DENND1B: variants seen among roughly 807,000 people sequenced by gnomAD.
DENND1B encodes the protein DENN domain-containing protein 1B.
A neutral mutation model predicts 90.1 loss-of-function variants in DENND1B; 59 were observed. The ratio of observed to expected loss-of-function variants is 0.65; its 90% CI spans 0.53 to 0.81. The LOEUF is 0.81. Ranked by LOEUF, DENND1B falls within the 40% of genes least tolerant of loss-of-function variation. DENND1B has a pLI of 0.00. For synonymous variants in DENND1B, 337 were observed against 324.6 expected, an observed-to-expected ratio of 1.04 and a Z score of -0.41; for missense variants, 862 against 912.6, an observed-to-expected ratio of 0.94 and a Z score of 0.71.
intron 14 of DENND1B, among the ~76,000 whole-genome samples, chr1:197,591,603 T>A (rs1027893045): frequency 6.6e-6 from 1 of 152,126 alleles, no homozygotes; most frequent in Non-Finnish European, 1.5e-5. Context: ...TAGTAGTTAC[T>A]CCAGGTAAAC....
intron 12 of DENND1B, among the ~76,000 whole-genome samples, chr1:197,610,633 T>C (rs1295665236): frequency 6.6e-6 from 1 of 150,840 alleles, no homozygotes; most frequent in African/African-American, 2.4e-5. Context: ...CAAGGTTAGA[T>C]TTTAAATGAA....
chr1:197,602,557 T>C (rs1418986178), intron 13 of DENND1B, among the ~76,000 whole-genome samples: 1 of 151,500 alleles, frequency 6.6e-6, no homozygotes, highest in Non-Finnish European at 1.5e-5. Context: ...GTGGCAAACC[T>C]GGAACTAATA....
chr1:197,615,586 T>G (rs1347211448), intron 11 of DENND1B, among the ~76,000 whole-genome samples: 1 of 150,980 alleles, frequency 6.6e-6, no homozygotes, highest in South Asian at 2.1e-4. Context: ...GATCTGTAAT[T>G]TTTTTCCCTT....
intron 2 of DENND1B, among the ~76,000 whole-genome samples, chr1:197,726,018 A>G (rs1409891337): frequency 1.3e-5 from 2 of 152,080 alleles, no homozygotes; most frequent in Non-Finnish European, 2.9e-5. Context: ...ACACACACAC[A>G]TATATATACA....
At chr1:197,721,018 T>C (rs6694441) in intron 2 of DENND1B, among the ~76,000 whole-genome samples, 3,529 of 151,742 alleles carry the variant, frequency 0.023, 141 homozygotes, top group African/African-American at 0.08. Context: ...ACAAACAGAC[T>C]GCTGGGTCCC....
At chr1:197,681,258 C>T (rs1656661699) in intron 3 of DENND1B, among the ~76,000 whole-genome samples, 1 of 152,080 alleles carries the variant, frequency 6.6e-6, no homozygotes, top group Non-Finnish European at 1.5e-5. Context: ...ATATATGCAA[C>T]TACTTCTATC....
intron 10 of DENND1B, 146 bp downstream of exon 10, chr1:197,642,565 A>G (rs901402728): frequency 2.0e-6 from 1 of 497,554 alleles, no homozygotes; most frequent in Admixed American, 3.8e-5. Context: ...TTGTACTTCA[A>G]GAGCCAGATT....
chr1:197,560,941 C>T (rs1193114579), intron 15 of DENND1B, among the ~76,000 whole-genome samples: 16 of 151,996 alleles, frequency 1.1e-4, no homozygotes, highest in South Asian at 1.0e-3. Flanking sequence ...CTAAGTCACA[C>T]ATTTACCTAC....
At chr1:197,552,387 A>G in intron 16 of DENND1B, 1 of 985,532 alleles carries the variant, frequency 1.0e-6, no homozygotes, top group Non-Finnish European at 1.2e-6. Flanking sequence ...GCAAGTCAAG[A>G]CTATACACCA....
chr1:197,690,798 C>T (rs1657784618), intron 3 of DENND1B, among the ~76,000 whole-genome samples: 1 of 151,842 alleles, frequency 6.6e-6, no homozygotes, highest in Admixed American at 6.6e-5. Context: ...TTTTATGGAA[C>T]ATTTTTGGGT....
intron 14 of DENND1B, among the ~76,000 whole-genome samples, chr1:197,589,795 A>G (rs1675027580): frequency 1.3e-5 from 2 of 152,324 alleles, no homozygotes; most frequent in South Asian, 4.1e-4. Flanking sequence ...TTTATCCATT[A>G]GCAAGGTTCA....
intron 5 of DENND1B, 32 bp from the exon 6 acceptor site, chr1:197,658,401 A>G: frequency 4.3e-6 from 6 of 1,382,596 alleles, no homozygotes; most frequent in Non-Finnish European, 6.1e-6. Flanking sequence ...ATGTATATAC[A>G]TAAAATTCAG....
chr1:197,699,142 A>T (rs1658760579), intron 3 of DENND1B, among the ~76,000 whole-genome samples: 1 of 152,184 alleles, frequency 6.6e-6, no homozygotes, highest in South Asian at 2.1e-4. Flanking sequence ...TCCCCAATGA[A>T]CACCAATGCG....
intron 2 of DENND1B, among the ~76,000 whole-genome samples, chr1:197,740,876 T>C (rs1399533474): frequency 2.6e-5 from 4 of 152,148 alleles, no homozygotes; most frequent in Non-Finnish European, 5.9e-5. Flanking sequence ...AAATAAGCAT[T>C]TGTCACATTC....
chr1:197,759,010 C>A (rs1775455), intron 2 of DENND1B, among the ~76,000 whole-genome samples: 4,181 of 145,492 alleles, frequency 0.029, 232 homozygotes, highest in African/African-American at 0.1. Context: ...CTCTCTGTCG[C>A]CCAGGCTGCA....
chr1:197,555,717 G>T (rs527566278), intron 15 of DENND1B, among the ~76,000 whole-genome samples: 1 of 152,082 alleles, frequency 6.6e-6, no homozygotes, highest in Non-Finnish European at 1.5e-5. Context: ...AGATGTTAAC[G>T]AATTTGTGGA....
intron 2 of DENND1B, 150 bp downstream of exon 2, chr1:197,772,718 G>A (rs1316478500): frequency 1.7e-5 from 11 of 632,228 alleles, no homozygotes; most frequent in South Asian, 8.2e-5. Flanking sequence ...CCAGCTACTC[G>A]GGAGGCTGAG....
At chr1:197,540,152 C>G in intron 19 of DENND1B, 81 bp from the exon 20 acceptor site, 1 of 914,176 alleles carries the variant, frequency 1.1e-6, no homozygotes, top group Non-Finnish European at 1.6e-6. Context: ...AACAAAGTAT[C>G]TGATATACAT....
intron 13 of DENND1B, among the ~76,000 whole-genome samples, chr1:197,602,708 T>C (rs1417573880): frequency 6.6e-6 from 1 of 151,522 alleles, no homozygotes; most frequent in Non-Finnish European, 1.5e-5. Flanking sequence ...AAGAGTTTAA[T>C]TTGCTTACAT....
Sources: allele counts gnomAD v4.1 joint callset (sites outside exome capture counted in the v4.1 genomes callset), GRCh38; gene constraint gnomAD v4.1.1; transcripts MANE v1.5; gene names NCBI Gene and HGNC (gene_info 2026-07-23, HGNC 2026-07-21).